The following HMGXB4 variants were observed in gnomAD, a reference collection of about 807,000 sequenced individuals.
HMGXB4 encodes the protein HMG domain-containing protein 4.
A neutral mutation model predicts 63.9 loss-of-function variants in HMGXB4; 27 were observed. That is an observed-to-expected ratio of 0.42 (90% CI 0.31 to 0.58). The LOEUF (loss-of-function observed/expected upper bound fraction) is 0.58. Among genes scored for constraint, HMGXB4 ranks in the 20% least tolerant of loss-of-function variants. The pLI, the probability that HMGXB4 is intolerant of heterozygous loss-of-function variation, is 0.13. For missense variants in HMGXB4, 624 were observed against 700.7 expected (o/e 0.89, Z 1.24); for synonymous variants, 264 against 265.3 (o/e 0.99, Z 0.05).
intron 5 of HMGXB4, among the ~76,000 whole-genome samples, chr22:35,267,174 T>TTA (rs1486329603): frequency 2.0e-4 from 30 of 146,728 alleles, no homozygotes; most frequent in South Asian, 4.3e-4. Flanking sequence ...AAATAATATA[T>TTA]TATATATATA....
chr22:35,261,460 A>G (rs2146397605), intron 1 of HMGXB4, among the ~76,000 whole-genome samples: 1 of 151,034 alleles, frequency 6.6e-6, no homozygotes, highest in Non-Finnish European at 1.5e-5. Context: ...AAATCCTTTT[A>G]CCTTACAGTG....
Position 35,288,309 on chromosome 22 carries a change from G to C in HMGXB4, c.1540G>C (p.Ala514Pro), listed in dbSNP as rs1340704648. 6.2e-7 allele frequency: 1 copy of C among 1,612,398 alleles called. No homozygotes were observed. Among genetic ancestry groups the C allele is most frequent in the Admixed American group, 1.7e-5 (1 of 59,870 alleles). The change falls in exon 9 of 11, where the codon GCC becomes CCC. Residue 514 changes from alanine to proline, a missense_variant. By Grantham distance (27) the Ala-to-Pro change is conservative. Coordinates refer to ENST00000216106, the MANE Select transcript of HMGXB4 (RefSeq NM_001003681.3). ...PTTMLLPASP[A>P]KAPETEPIDV... ...CACCATGCTGTTACCAGCCTCACCA[G>C]CCAAAGCCCCTGAGACAGAGCCCAT...
intron 10 of HMGXB4, 104 bp downstream of exon 10, chr22:35,293,218 C>G (rs1334545973): frequency 2.4e-6 from 3 of 1,267,790 alleles, no homozygotes; most frequent in Non-Finnish European, 3.4e-6. Flanking sequence ...ACACACAGTG[C>G]TTCCTTCATC....
At chr22:35,254,520 A>G (rs902749837), upstream of HMGXB4, among the ~76,000 whole-genome samples, 1 of 152,186 alleles carries the variant, frequency 6.6e-6, no homozygotes, top group African/African-American at 2.4e-5. Flanking sequence ...GTTTTAAAGA[A>G]CAAGCTGTTC....
chr22:35,262,520 A>T, intron 2 of HMGXB4, 99 bp downstream of exon 2: 1 of 1,197,110 alleles, frequency 8.4e-7, no homozygotes, highest in African/African-American at 1.5e-5. Context: ...CACAGCCTGG[A>T]CTCCCAAGTG....
At chr22:35,247,590 G>A in the HMGXB4 span, among the ~76,000 whole-genome samples, 1 of 151,966 alleles carries the variant, frequency 6.6e-6, no homozygotes, top group African/African-American at 2.4e-5. Context: ...GAGATACCAT[G>A]GGGCTCCAAA....
intron 3 of HMGXB4, among the ~76,000 whole-genome samples, chr22:35,263,481 C>A (rs936164969): frequency 6.6e-6 from 1 of 151,980 alleles, no homozygotes; most frequent in Non-Finnish European, 1.5e-5. Flanking sequence ...CAGGGTTTCA[C>A]CATGTTGGCC....
intron 3 of HMGXB4, among the ~76,000 whole-genome samples, chr22:35,263,457 T>C (rs559389625): frequency 5.9e-5 from 9 of 152,096 alleles, no homozygotes; most frequent in Admixed American, 1.3e-4. Flanking sequence ...CCAATTTTTG[T>C]ATTTTATCAG....
Position 35,264,694 on chromosome 22 carries a change from C to T in HMGXB4, c.306C>T (p.Ser102=). The T allele has an allele frequency of 6.3e-7, 1 of 1,597,680 alleles. No individual in the cohort carries two copies. The highest frequency in any genetic ancestry group is 1.8e-5 in the Admixed American group (1 of 55,682). Residue 102 remains serine, a synonymous_variant, in exon 5 of 11, where the codon AGC becomes AGT. Transcript: ENST00000216106. Reference sequence around the variant, plus strand: ...CACAGAAGAAAAAGAAAAAGTCCAGCCCACAGTCTACTGATACAGCTATGG... The same window carrying T: ...CACAGAAGAAAAAGAAAAAGTCCAGTCCACAGTCTACTGATACAGCTATGG... ...ESSQKKKKKS[S]PQSTDTAMDL...
At chr22:35,247,808 C>T in the HMGXB4 span, among the ~76,000 whole-genome samples, 1 of 152,074 alleles carries the variant, frequency 6.6e-6, no homozygotes, top group East Asian at 1.9e-4. Context: ...CCTGTTACTC[C>T]AACTTAGCTG....
chr22:35,251,311 G>A, the HMGXB4 span, among the ~76,000 whole-genome samples: 8 of 152,112 alleles, frequency 5.3e-5, no homozygotes, highest in East Asian at 1.9e-4. Context: ...TCCTGACCTC[G>A]TGATCCACCT....
At chr22:35,255,681 T>C (rs903724753), upstream of HMGXB4, among the ~76,000 whole-genome samples, 3 of 152,238 alleles carry the variant, frequency 2.0e-5, no homozygotes, top group Admixed American at 6.5e-5. Flanking sequence ...GAAGTGACCA[T>C]GTCTGCAGGT....
chr22:35,288,712 G>A (rs1453296394), intron 9 of HMGXB4, among the ~76,000 whole-genome samples: 4 of 151,912 alleles, frequency 2.6e-5, no homozygotes, highest in Non-Finnish European at 5.9e-5. Flanking sequence ...GAGGCTGGGC[G>A]CAGTGGCTCA....
At chr22:35,260,603 C>T (rs1004630443) in intron 1 of HMGXB4, among the ~76,000 whole-genome samples, 2 of 152,208 alleles carry the variant, frequency 1.3e-5, no homozygotes, top group Admixed American at 1.3e-4. Context: ...AAAGGCCCTT[C>T]GAACAGGCAG....
upstream of HMGXB4, among the ~76,000 whole-genome samples, chr22:35,256,814 C>G (rs1040877340): frequency 6.6e-5 from 10 of 152,190 alleles, no homozygotes; most frequent in African/African-American, 2.4e-4. Flanking sequence ...TTCTTCATAT[C>G]AAACCAAGTT....
the HMGXB4 span, among the ~76,000 whole-genome samples, chr22:35,245,782 G>C: frequency 2.0e-5 from 3 of 152,266 alleles, no homozygotes; most frequent in African/African-American, 7.2e-5. Flanking sequence ...ACCAGAGGGG[G>C]GTTCCTCATT....
chr22:35,255,430 G>C (rs1416140522), upstream of HMGXB4, among the ~76,000 whole-genome samples: 1 of 152,218 alleles, frequency 6.6e-6, no homozygotes, highest in Non-Finnish European at 1.5e-5. Context: ...TGGGAGGATT[G>C]CTTGAACTCA....
intron 5 of HMGXB4, among the ~76,000 whole-genome samples, chr22:35,268,061 G>C (rs749556723): frequency 1.3e-5 from 2 of 152,200 alleles, no homozygotes; most frequent in African/African-American, 4.8e-5. Context: ...TCCAGCCTGC[G>C]CGACAGCGTG....
intron 3 of HMGXB4, 83 bp downstream of exon 3, chr22:35,263,309 T>A: frequency 8.4e-7 from 1 of 1,185,944 alleles, no homozygotes; most frequent in Non-Finnish European, 1.2e-6. Flanking sequence ...TGTTTTTTTT[T>A]TTTTTCTCTC....
Sources: allele counts gnomAD v4.1 joint callset (sites outside exome capture counted in the v4.1 genomes callset), GRCh38; gene constraint gnomAD v4.1.1; transcripts MANE v1.5; gene names NCBI Gene and HGNC (gene_info 2026-07-23, HGNC 2026-07-21).